ROBO2: variants seen among roughly 807,000 people sequenced by gnomAD.
The protein encoded by ROBO2 is roundabout homolog 2.
Under a neutral mutation model 160.8 loss-of-function variants are expected in ROBO2, and 53 were observed. The ratio of observed to expected loss-of-function variants is 0.33; its 90% confidence interval spans 0.26 to 0.41. The LOEUF is 0.41. Ranked by LOEUF, ROBO2 falls within the 10% of genes least tolerant of loss-of-function variation. ROBO2 has a pLI of 1.00. For synonymous variants in ROBO2, 664 were observed against 611.7 expected (o/e 1.09, Z -1.26); for missense variants, 1,577 against 1,722.4 (o/e 0.92, Z 1.49).
exon 26 of ROBO2, chr3:77,648,573 A>G (rs1356531364): frequency 6.6e-6 from 1 of 152,204 alleles, no homozygotes; most frequent in African/African-American, 2.4e-5. Context: ...TTTTAAACAC[A>G]TTGGGCAGTC....
intron 2 of ROBO2, among the ~76,000 whole-genome samples, chr3:76,888,235 G>T (rs2074061912): frequency 6.6e-6 from 1 of 152,114 alleles, no homozygotes. Context: ...AGGTGTAGTG[G>T]TGCACGCCTG....
At position 76,156,259 on chromosome 3, in the gene ROBO2, GA is replaced by G. The variant is rs899767837; in HGVS notation, c.109+218660del. ...ATACACTGAAAATACAAAGTAATAA[GA>G]AAGTAAGAGGAAGATTTCTTCTATG... On this transcript the variant is annotated intron_variant, in intron 2 of 26. Transcript: ENST00000487694. Among the ~76,000 whole-genome samples, 41 of 152,020 alleles carry G rather than the reference GA, an allele frequency of 2.7e-4. 2 individuals are homozygous for G. Among genetic ancestry groups the G allele is most frequent in the African/African-American group, 9.9e-4 (41 of 41,482 alleles).
chr3:76,243,525 A>T (rs111542777), intron 2 of ROBO2, among the ~76,000 whole-genome samples: 88 of 152,380 alleles, frequency 5.8e-4, no homozygotes, highest in African/African-American at 2.0e-3. Flanking sequence ...CCTGAGAAGC[A>T]GCCGGGAGTC....
chr3:76,905,552 A>T (rs1046561480), intron 2 of ROBO2, among the ~76,000 whole-genome samples: 2 of 152,166 alleles, frequency 1.3e-5, no homozygotes, highest in Non-Finnish European at 2.9e-5. Flanking sequence ...GCTAGATATG[A>T]CCCAAACCCA....
intron 2 of ROBO2, among the ~76,000 whole-genome samples, chr3:77,336,187 C>T (rs926585241): frequency 6.6e-6 from 1 of 152,024 alleles, no homozygotes; most frequent in African/African-American, 2.4e-5. Flanking sequence ...TTTTGGAGGG[C>T]CCCTTTGGAC....
intron 2 of ROBO2, among the ~76,000 whole-genome samples, chr3:77,443,189 A>G (rs753721843): frequency 3.3e-5 from 5 of 152,216 alleles, no homozygotes; most frequent in Non-Finnish European, 7.3e-5. Context: ...ATTGCTTTTA[A>G]TAATACTTGT....
intron 2 of ROBO2, among the ~76,000 whole-genome samples, chr3:76,535,415 G>A (rs1224278489): frequency 6.6e-6 from 1 of 152,060 alleles, no homozygotes; most frequent in Non-Finnish European, 1.5e-5. Flanking sequence ...AGTGGGGTAA[G>A]GGTGATTAGG....
intron 2 of ROBO2, among the ~76,000 whole-genome samples, chr3:76,605,276 A>T (rs1222291501): frequency 6.6e-6 from 1 of 152,160 alleles, no homozygotes; most frequent in Admixed American, 6.5e-5. Flanking sequence ...GACATTAAAG[A>T]CATAGATCAG....
At chr3:77,269,180 A>G (rs1057247248) in intron 2 of ROBO2, among the ~76,000 whole-genome samples, 7 of 152,196 alleles carry the variant, frequency 4.6e-5, no homozygotes, top group African/African-American at 1.4e-4. Flanking sequence ...TGAACCAATT[A>G]AAAGAAAGAT....
At chr3:76,981,924 C>T (rs1313998058) in intron 2 of ROBO2, among the ~76,000 whole-genome samples, 2 of 152,140 alleles carry the variant, frequency 1.3e-5, no homozygotes, top group Non-Finnish European at 2.9e-5. Flanking sequence ...ATCTTACAGG[C>T]AGCACCAAGC....
At chr3:77,573,796 A>G (rs1271399509) in intron 13 of ROBO2, among the ~76,000 whole-genome samples, 1 of 150,970 alleles carries the variant, frequency 6.6e-6, no homozygotes, top group African/African-American at 2.4e-5. Context: ...CTTTCTCTCC[A>G]CTATAGGCTT....
At chr3:76,215,947 C>A (rs944913205) in intron 2 of ROBO2, among the ~76,000 whole-genome samples, 1 of 152,208 alleles carries the variant, frequency 6.6e-6, no homozygotes, top group Admixed American at 6.5e-5. Flanking sequence ...GCCCAGCAGA[C>A]TAACAGCTGA....
At chr3:76,558,797 G>A (rs578229737) in intron 2 of ROBO2, among the ~76,000 whole-genome samples, 3 of 152,208 alleles carry the variant, frequency 2.0e-5, no homozygotes, top group African/African-American at 7.2e-5. Flanking sequence ...AGGCATATTG[G>A]TTAACAGAAT....
At chr3:77,623,153 GAC>G (rs754228325) in intron 23 of ROBO2, among the ~76,000 whole-genome samples, 4 of 152,032 alleles carry the variant, frequency 2.6e-5, no homozygotes, top group Non-Finnish European at 4.4e-5. Context: ...TCCTAAAATG[GAC>G]ACAATGAATT....
At chr3:76,306,245 A>G (rs556626775) in intron 2 of ROBO2, among the ~76,000 whole-genome samples, 1 of 152,340 alleles carries the variant, frequency 6.6e-6, no homozygotes, top group African/African-American at 2.4e-5. Flanking sequence ...GATATAAAAT[A>G]TAAAATTTGA....
chr3:76,994,641 G>T (rs981856676), intron 2 of ROBO2, among the ~76,000 whole-genome samples: 1 of 152,144 alleles, frequency 6.6e-6, no homozygotes, highest in Non-Finnish European at 1.5e-5. Context: ...TTATGCTCCA[G>T]ATAGTGTGCA....
chr3:76,202,162 T>C (rs1208579174), intron 2 of ROBO2, among the ~76,000 whole-genome samples: 1 of 152,176 alleles, frequency 6.6e-6, no homozygotes. Context: ...ATTTTCCACA[T>C]ATATCGTGTT....
At chr3:77,272,079 A>G (rs1261214905) in intron 2 of ROBO2, among the ~76,000 whole-genome samples, 5 of 152,088 alleles carry the variant, frequency 3.3e-5, no homozygotes, top group South Asian at 4.1e-4. Context: ...TAAAAATACT[A>G]TTTTTCTTTC....
At chr3:75,987,739 T>A (rs1355639408) in intron 2 of ROBO2, among the ~76,000 whole-genome samples, 1 of 152,000 alleles carries the variant, frequency 6.6e-6, no homozygotes, top group African/African-American at 2.4e-5. Context: ...GTTCCTAGTT[T>A]GTTGAGTGTT....
Sources: allele counts gnomAD v4.1 joint callset (sites outside exome capture counted in the v4.1 genomes callset), GRCh38; gene constraint gnomAD v4.1.1; transcripts MANE v1.5; gene names NCBI Gene and HGNC (gene_info 2026-07-23, HGNC 2026-07-21).